Variants in KLHDC10 observed in about 807,000 individuals in gnomAD.
KLHDC10 encodes the protein kelch domain containing 10.
Under a neutral mutation model 56.1 loss-of-function variants are expected in KLHDC10, and 24 were observed. The observed-to-expected ratio is 0.43, with a 90% CI of 0.31 to 0.60. The LOEUF is 0.60. Among genes scored for constraint, KLHDC10 ranks in the 20% least tolerant of loss-of-function variants. KLHDC10 has a pLI of 0.11. For synonymous variants in KLHDC10, 188 were observed against 207.1 expected, an observed-to-expected ratio of 0.91 and a Z score of 0.79; for missense variants, 349 against 567.0, an observed-to-expected ratio of 0.62 and a Z score of 3.91.
intron 6 of KLHDC10, 40 bp downstream of exon 6, chr7:130,124,575 G>T (rs1030767082): frequency 3.9e-5 from 40 of 1,031,432 alleles, no homozygotes; most frequent in Middle Eastern, 2.1e-4. Flanking sequence ...GAGGGAGAAG[G>T]ATAGAAGGAG....
rs914311980 is a variant in KLHDC10 at position 130,089,116 on chromosome 7, TA to T, written c.167-7795del. On this transcript the variant is annotated intron_variant, in intron 1 of 9. Transcript: ENST00000335420. ...CTTACAGAAAAAAACCCATGTACAG[TA>T]AAAAAAAAACATATATTTTAAAATG... is the stretch of plus-strand genomic sequence containing the variant. Among the ~76,000 whole-genome samples the T allele has an allele frequency of 1.2e-4, 18 of 148,908 alleles. No homozygotes were observed. The South Asian group carries it at 1.7e-3, about 14-fold the overall frequency.
At chr7:130,073,516 G>A (rs1414102590) in intron 1 of KLHDC10, among the ~76,000 whole-genome samples, 7 of 151,882 alleles carry the variant, frequency 4.6e-5, no homozygotes, top group Middle Eastern at 3.2e-3. Flanking sequence ...GGCTGGGCTC[G>A]AACTCCTGGC....
chr7:130,081,476 G>A (rs1472226387), intron 1 of KLHDC10, among the ~76,000 whole-genome samples: 2 of 151,498 alleles, frequency 1.3e-5, no homozygotes, highest in Admixed American at 6.6e-5. Context: ...ACGCTGCCAC[G>A]CCCCACTAAT....
chr7:130,087,420 A>G (rs548526702), intron 1 of KLHDC10, among the ~76,000 whole-genome samples: 174 of 152,114 alleles, frequency 1.1e-3, no homozygotes, highest in Admixed American at 1.6e-3. Context: ...TATATTTGCT[A>G]TATTCCATGA....
At chr7:130,089,284 G>T (rs1326779048) in intron 1 of KLHDC10, among the ~76,000 whole-genome samples, 1 of 151,950 alleles carries the variant, frequency 6.6e-6, no homozygotes, top group Non-Finnish European at 1.5e-5. Flanking sequence ...TGAAACCCCG[G>T]CCCCATCTCT....
chr7:130,117,869 AAAAAAG>A (rs1563104978), intron 3 of KLHDC10, among the ~76,000 whole-genome samples: 1 of 148,354 alleles, frequency 6.7e-6, no homozygotes, highest in Admixed American at 6.7e-5. Flanking sequence ...AAAAAAAAAA[AAAAAAG>A]AAAAAGAGGC....
rs1314345556 is a variant in KLHDC10 at position 130,116,841 on chromosome 7, G to C, written c.475+175G>C. Among the ~76,000 whole-genome samples, 1 of 152,152 alleles carries C rather than the reference G, an allele frequency of 6.6e-6. No homozygotes were observed. Among genetic ancestry groups the C allele is most frequent in the Non-Finnish European group, 1.5e-5 (1 of 68,030 alleles). The stretch of plus-strand genomic sequence containing the variant: ...GGTGATTCCAAATTATTTGGGTCCT[G>C]AGTTTGAATTCAGCTTGTCAGGTGA... On this transcript the variant is annotated intron_variant, in intron 3 of 9. Transcript: ENST00000335420. The surrounding 1 kb of genome is among the most constrained non-coding windows in gnomAD (Gnocchi z 4.8).
intron 2 of KLHDC10, among the ~76,000 whole-genome samples, chr7:130,109,297 C>T (rs1311440648): frequency 1.3e-5 from 2 of 151,390 alleles, no homozygotes; most frequent in Non-Finnish European, 2.9e-5. Context: ...TGCAGGGGTG[C>T]AATCATAGCT....
intron 1 of KLHDC10, among the ~76,000 whole-genome samples, chr7:130,084,177 T>G (rs1795649842): frequency 6.6e-6 from 1 of 152,240 alleles, no homozygotes; most frequent in South Asian, 2.1e-4. Context: ...ACTGAATTTG[T>G]GATCTTTATT....
At chr7:130,103,463 G>A (rs1252138760) in intron 2 of KLHDC10, among the ~76,000 whole-genome samples, 2 of 150,642 alleles carry the variant, frequency 1.3e-5, no homozygotes, top group African/African-American at 4.9e-5. Context: ...TAAAGGGCAT[G>A]CCTTTCATGT....
intron 9 of KLHDC10, 136 bp downstream of exon 9, chr7:130,129,712 A>G: frequency 1.3e-6 from 1 of 741,636 alleles, no homozygotes; most frequent in Non-Finnish European, 2.1e-6. Context: ...ACTTCCTTCC[A>G]AAGCTAGGCC....
At chr7:130,079,650 G>GT (rs1192884691) in intron 1 of KLHDC10, among the ~76,000 whole-genome samples, 6 of 151,560 alleles carry the variant, frequency 4.0e-5, no homozygotes, top group East Asian at 1.9e-4. Flanking sequence ...TTTCCTTTCT[G>GT]TTTTTTTTAT....
intron 1 of KLHDC10, among the ~76,000 whole-genome samples, chr7:130,075,523 G>C (rs372087405): frequency 6.6e-6 from 1 of 152,116 alleles, no homozygotes; most frequent in African/African-American, 2.4e-5. Context: ...CCAGGTTCAG[G>C]GGGGACGGGA....
At chr7:130,085,189 C>T (rs1406297601) in intron 1 of KLHDC10, among the ~76,000 whole-genome samples, 2 of 150,792 alleles carry the variant, frequency 1.3e-5, no homozygotes, top group African/African-American at 2.4e-5. Flanking sequence ...AAAAATTAGC[C>T]GGGTGTGGTG....
intron 2 of KLHDC10, among the ~76,000 whole-genome samples, chr7:130,108,411 C>T (rs766065177): frequency 1.4e-4 from 22 of 151,812 alleles, no homozygotes; most frequent in Non-Finnish European, 2.8e-4. Context: ...TAGAAATTCT[C>T]CTGTATCCTG....
At chr7:130,078,325 G>T (rs1795545468) in intron 1 of KLHDC10, among the ~76,000 whole-genome samples, 1 of 151,404 alleles carries the variant, frequency 6.6e-6, no homozygotes, top group African/African-American at 2.4e-5. Context: ...AGTCAGCAAA[G>T]ATTGCGCTAT....
chr7:130,071,952 T>TTGA (rs1254395701), intron 1 of KLHDC10, among the ~76,000 whole-genome samples: 1 of 152,176 alleles, frequency 6.6e-6, no homozygotes, highest in Non-Finnish European at 1.5e-5. Flanking sequence ...GATGAGGTTG[T>TTGA]TGATGTGTGC....
intron 1 of KLHDC10, among the ~76,000 whole-genome samples, chr7:130,074,523 T>C (rs927362967): frequency 6.6e-6 from 1 of 152,198 alleles, no homozygotes; most frequent in Non-Finnish European, 1.5e-5. Context: ...ATTGGCATTA[T>C]ATATAACACG....
intron 1 of KLHDC10, among the ~76,000 whole-genome samples, chr7:130,084,315 A>C (rs1437761858): frequency 1.3e-5 from 2 of 152,236 alleles, no homozygotes; most frequent in African/African-American, 4.8e-5. Context: ...ACACAGATGC[A>C]TGGAGGTCAT....
Sources: allele counts gnomAD v4.1 joint callset (sites outside exome capture counted in the v4.1 genomes callset), GRCh38; gene constraint gnomAD v4.1.1; non-coding constraint Gnocchi (gnomAD v3.1); transcripts MANE v1.5; gene names NCBI Gene and HGNC (gene_info 2026-07-23, HGNC 2026-07-21).